Variants in EVI5 observed in about 807,000 individuals in gnomAD.
The protein encoded by EVI5 is ecotropic viral integration site 5.
A neutral mutation model predicts 112.0 loss-of-function variants in EVI5; 73 were observed. The observed-to-expected ratio is 0.65, with a 90% CI of 0.54 to 0.79. The LOEUF is 0.79. Ranked by LOEUF, EVI5 falls within the 30% of genes least tolerant of loss-of-function variation. EVI5 has a pLI of 0.00. For synonymous variants in EVI5, 305 were observed against 319.9 expected (o/e 0.95, Z 0.50); for missense variants, 900 against 968.8 (o/e 0.93, Z 0.94).
intron 9 of EVI5, 134 bp downstream of exon 9, chr1:92,693,668 A>G (rs780258651): frequency 3.0e-5 from 18 of 598,064 alleles, no homozygotes; most frequent in Non-Finnish European, 3.2e-5. Context: ...ATATTCCAAC[A>G]TTAGCTTTAT....
intron 18 of EVI5, among the ~76,000 whole-genome samples, chr1:92,596,126 G>A (rs1647778956): frequency 5.3e-5 from 8 of 152,094 alleles, no homozygotes; most frequent in Admixed American, 5.2e-4. Flanking sequence ...GGAGGTCAAG[G>A]TGAGTGCACT....
At chr1:92,686,715 A>G (rs1668591100) in intron 9 of EVI5, among the ~76,000 whole-genome samples, 2 of 152,260 alleles carry the variant, frequency 1.3e-5, no homozygotes, top group Admixed American at 6.5e-5. Flanking sequence ...TACAAAATCA[A>G]TGTGCAAAAA....
intron 10 of EVI5, among the ~76,000 whole-genome samples, chr1:92,669,005 A>G (rs979195235): frequency 6.6e-6 from 1 of 152,216 alleles, no homozygotes; most frequent in Non-Finnish European, 1.5e-5. Flanking sequence ...ACACTTGCAC[A>G]TGACATTCAA....
intron 14 of EVI5, among the ~76,000 whole-genome samples, chr1:92,629,329 T>C (rs751238447): frequency 6.6e-6 from 1 of 152,204 alleles, no homozygotes. Context: ...GTTATGTCCA[T>C]TATCTATCAG....
chr1:92,596,549 A>G (rs150198766), intron 18 of EVI5, among the ~76,000 whole-genome samples: 1 of 152,328 alleles, frequency 6.6e-6, no homozygotes, highest in Non-Finnish European at 1.5e-5. Context: ...TTGTTAAGTA[A>G]TAAGCTCTAT....
chr1:92,737,899 C>T (rs1677715797), intron 1 of EVI5, among the ~76,000 whole-genome samples: 1 of 152,184 alleles, frequency 6.6e-6, no homozygotes, highest in Admixed American at 6.5e-5. Flanking sequence ...ACTCAAGATG[C>T]CTCTCATTTT....
chr1:92,732,835 C>A (rs1177051253), intron 2 of EVI5, among the ~76,000 whole-genome samples: 1 of 136,746 alleles, frequency 7.3e-6, no homozygotes, highest in Non-Finnish European at 1.5e-5. Context: ...AGGAGGCAGA[C>A]ATTGCAGTGA....
intron 19 of EVI5, among the ~76,000 whole-genome samples, chr1:92,539,930 A>G (rs1664530310): frequency 6.6e-6 from 1 of 152,176 alleles, no homozygotes; most frequent in Non-Finnish European, 1.5e-5. Flanking sequence ...AAATTTATCT[A>G]TTCTGGACAT....
At chr1:92,692,084 C>G (rs1464191350) in intron 9 of EVI5, among the ~76,000 whole-genome samples, 1 of 152,150 alleles carries the variant, frequency 6.6e-6, no homozygotes, top group Non-Finnish European at 1.5e-5. Context: ...AGAGGAAGCA[C>G]AGTTGTTCAT....
At chr1:92,656,914 G>A (rs1663090828) in intron 13 of EVI5, among the ~76,000 whole-genome samples, 1 of 152,020 alleles carries the variant, frequency 6.6e-6, no homozygotes, top group African/African-American at 2.4e-5. Flanking sequence ...AGAACAAGAA[G>A]CCCAGGATCA....
intron 16 of EVI5, among the ~76,000 whole-genome samples, chr1:92,615,800 A>T (rs758276489): frequency 6.6e-6 from 1 of 152,182 alleles, no homozygotes; most frequent in Non-Finnish European, 1.5e-5. Context: ...TCTCAGTGGG[A>T]CCCTAGAGGG....
At chr1:92,544,656 T>C (rs1273807074) in intron 19 of EVI5, among the ~76,000 whole-genome samples, 1 of 152,220 alleles carries the variant, frequency 6.6e-6, no homozygotes, top group Non-Finnish European at 1.5e-5. Flanking sequence ...ATTTGTAGTA[T>C]TCACTTTTTT....
At chr1:92,784,320 A>G in intron 1 of EVI5, 1 of 985,144 alleles carries the variant, frequency 1.0e-6, no homozygotes. Context: ...ATGGCTACAA[A>G]CTCTTCTCAA....
At chr1:92,671,584 T>C (rs1665887507) in intron 10 of EVI5, among the ~76,000 whole-genome samples, 1 of 152,164 alleles carries the variant, frequency 6.6e-6, no homozygotes, top group Non-Finnish European at 1.5e-5. Flanking sequence ...AGGCATCTCA[T>C]TCCCAAGATA....
Position 92,662,777 on chromosome 1 carries a change from C to A in EVI5, c.1334G>T (p.Ser445Ile). ...ATTTTCAGCTTGCTCCAGCTTAGCA[C>A]TGGCCTCATCACTCTGCTGTTTGAT... ...ATIKQQSDEA[S>I]AKLEQAENTI... Residue 445 changes from serine to isoleucine, a missense_variant, in exon 13 of 20, where the codon AGT (serine) becomes ATT (isoleucine). Ser to Ile is a moderately radical substitution (Grantham distance 142). Transcript: ENST00000684568. 7.8e-7 allele frequency: 1 copy of A among 1,289,490 alleles called. No individual in the cohort carries two copies. Among genetic ancestry groups the A allele is most frequent in the Non-Finnish European group, 1.0e-6 (1 of 988,746 alleles). The allele number at this position is 1,289,490 out of a possible 1,614,324, so 79.9% of individuals were successfully genotyped here. A position where few individuals can be genotyped will look rare whatever the true frequency, so the allele number is the denominator to read the frequency against.
At chr1:92,630,426 G>A (rs896240854) in intron 14 of EVI5, among the ~76,000 whole-genome samples, 17 of 152,184 alleles carry the variant, frequency 1.1e-4, no homozygotes, top group Non-Finnish European at 2.1e-4. Context: ...CAGTGATGAT[G>A]AGCATTTTTT....
chr1:92,785,846 G>C (rs1339942014), upstream of EVI5, among the ~76,000 whole-genome samples: 1 of 152,102 alleles, frequency 6.6e-6, no homozygotes, highest in African/African-American at 2.4e-5. Context: ...TTGGGAGGCC[G>C]AGGCGGGCGG....
intron 9 of EVI5, among the ~76,000 whole-genome samples, chr1:92,678,418 G>A (rs190369180): frequency 1.0e-3 from 152 of 152,152 alleles, no homozygotes; most frequent in Non-Finnish European, 1.6e-3. Context: ...TGTAGTTGCA[G>A]GTACTCAGAG....
intron 19 of EVI5, among the ~76,000 whole-genome samples, chr1:92,556,115 G>A (rs1234262322): frequency 1.3e-5 from 2 of 149,226 alleles, no homozygotes; most frequent in Admixed American, 6.7e-5. Context: ...CCAGCCTGGA[G>A]TGCAGTGGTG....
Sources: gnomAD v4.1 joint callset for allele counts (sites outside exome capture counted in the v4.1 genomes callset) on GRCh38, gnomAD v4.1.1 for gene constraint, MANE v1.5 for transcripts, NCBI Gene and HGNC (gene_info 2026-07-23, HGNC 2026-07-21) for gene names.